The following SPON1 variants were observed in gnomAD, a reference collection of about 807,000 sequenced individuals.
The protein encoded by SPON1 is spondin-1.
A neutral mutation model predicts 111.7 loss-of-function variants in SPON1; 52 were observed. That is an observed-to-expected ratio of 0.47 (90% confidence interval 0.37 to 0.59). The LOEUF is 0.59. Ranked by LOEUF, SPON1 falls within the 20% of genes least tolerant of loss-of-function variation. The probability of loss-of-function intolerance (pLI) is 0.00; values close to 1 mark genes in which losing one functional copy is unlikely to be tolerated. For missense variants in SPON1, 957 were observed against 1,068.5 expected (o/e 0.90, Z 1.46); for synonymous variants, 410 against 395.8 (o/e 1.04, Z -0.43).
chr11:14,181,225 A>C (rs1554933664), intron 6 of SPON1, among the ~76,000 whole-genome samples: 1 of 152,204 alleles, frequency 6.6e-6, no homozygotes, highest in African/African-American at 2.4e-5. Flanking sequence ...TATGGGGAGG[A>C]AAGCTACACC....
intron 5 of SPON1, among the ~76,000 whole-genome samples, chr11:14,101,174 C>T (rs575918673): frequency 2.0e-5 from 3 of 151,812 alleles, no homozygotes; most frequent in Admixed American, 6.6e-5. Context: ...CTGAGGTGGG[C>T]GGATCACCCA....
chr11:14,017,635 A>G (rs1213451252), intron 2 of SPON1, among the ~76,000 whole-genome samples: 1 of 152,188 alleles, frequency 6.6e-6, no homozygotes, highest in Non-Finnish European at 1.5e-5. Context: ...CAACTTGCCT[A>G]AGGCCACCTT....
In SPON1 at chr11:14,266,818, T is replaced by G. The variant is rs1188578079; in HGVS notation, c.*1131T>G. On this transcript the variant is annotated 3_prime_UTR_variant, in exon 16 of 16. Transcript: ENST00000576479. ...CTGAGCAAGCAATTCTGGTGGAAAGTCAAACCTGTCAGTGCTCCACACCAG... is the reference window on the plus strand; with the variant it reads ...CTGAGCAAGCAATTCTGGTGGAAAGGCAAACCTGTCAGTGCTCCACACCAG... The G allele has an allele frequency of 2.0e-5, 3 of 152,056 alleles. No individual in the cohort carries two copies. Among genetic ancestry groups the G allele is most frequent in the Non-Finnish European group, 4.4e-5 (3 of 68,004 alleles). The allele number at this position is 152,056 out of a possible 1,614,324, so 9.4% of individuals were successfully genotyped here. A position where few individuals can be genotyped will look rare whatever the true frequency, so the allele number is the denominator to read the frequency against.
At position 14,255,588 on chromosome 11, in the gene SPON1, C is replaced by T; in HGVS notation, c.1093-59C>T. On this transcript the variant is annotated intron_variant, in intron 8 of 15. Transcript: ENST00000576479. ...TTGCTCTGATCCATATAACAAATGGCTTTTGTGGGTTTTCCCAATTTTATT... is the reference window on the plus strand; with the variant it reads ...TTGCTCTGATCCATATAACAAATGGTTTTTGTGGGTTTTCCCAATTTTATT... The T allele has an allele frequency of 5.8e-6, 9 of 1,562,338 alleles. No homozygotes were observed. In the South Asian group the frequency reaches 6.8e-5, roughly 12 times the overall value.
intron 1 of SPON1, among the ~76,000 whole-genome samples, chr11:13,968,132 A>G (rs1554908236): frequency 2.0e-5 from 3 of 152,176 alleles, no homozygotes; most frequent in South Asian, 4.1e-4. Context: ...TGTTATACAG[A>G]CTGTCACATA....
chr11:14,003,576 A>C lies in SPON1; in HGVS notation c.345+20623A>C, dbSNP rs1166750185. ...TAACCCACATTTGGCTGGGTCACAG[A>C]GTGGTCAAGGCACTCTGTGATTTTC... On this transcript the variant is annotated intron_variant, in intron 2 of 15. Transcript: ENST00000576479. Among the ~76,000 whole-genome samples the C allele has an allele frequency of 3.9e-5, 6 of 152,268 alleles. No homozygotes were observed. The South Asian group carries it at 6.2e-4, about 16-fold the overall frequency.
chr11:14,176,814 G>A (rs1212326332), intron 6 of SPON1, among the ~76,000 whole-genome samples: 11 of 152,086 alleles, frequency 7.2e-5, no homozygotes, highest in South Asian at 4.1e-4. Flanking sequence ...GGGTGCCACC[G>A]AACCACAGGC....
At chr11:14,263,053 TAAAAAAA>T (rs34480564) in intron 15 of SPON1, 78 bp downstream of exon 15, 322 of 952,538 alleles carry the variant, frequency 3.4e-4, no homozygotes, top group Non-Finnish European at 4.1e-4. Context: ...TGGACCTGTT[TAAAAAAA>T]AAAAAAAAAA....
intron 2 of SPON1, among the ~76,000 whole-genome samples, chr11:14,011,820 A>T (rs1428060905): frequency 6.6e-6 from 1 of 152,098 alleles, no homozygotes; most frequent in African/African-American, 2.4e-5. Flanking sequence ...GTGAGAGGGA[A>T]CCCTAAAGAA....
At position 13,977,173 on chromosome 11, in the gene SPON1, A is replaced by G. The variant is rs530489885; in HGVS notation, c.239-5674A>G. Among the ~76,000 whole-genome samples, 89 of 152,194 alleles carry G rather than the reference A, an allele frequency of 5.8e-4. 1 individual carries two copies. The highest frequency in any genetic ancestry group is 1.4e-3 in the Admixed American group (22 of 15,274). The stretch of plus-strand genomic sequence containing the variant: ...TGTTACTACTAATATTCTTATAGGT[A>G]TCTTTGGTGCACATATATATGCATT... On this transcript the variant is annotated intron_variant, in intron 1 of 15. Transcript: ENST00000576479.
chr11:13,966,833 C>T (rs1848021339), intron 1 of SPON1, among the ~76,000 whole-genome samples: 1 of 152,160 alleles, frequency 6.6e-6, no homozygotes, highest in Non-Finnish European at 1.5e-5. Context: ...CCAATTTCTC[C>T]ATCTGTAAAA....
At chr11:14,037,556 C>G (rs1465013411) in intron 2 of SPON1, among the ~76,000 whole-genome samples, 1 of 148,176 alleles carries the variant, frequency 6.7e-6, no homozygotes, top group Non-Finnish European at 1.5e-5. Flanking sequence ...TAGACATAGA[C>G]CTTACACCCC....
intron 6 of SPON1, among the ~76,000 whole-genome samples, chr11:14,141,607 C>T (rs1423976808): frequency 2.6e-5 from 4 of 152,140 alleles, no homozygotes; most frequent in Non-Finnish European, 4.4e-5. Context: ...ATCACACCGC[C>T]TGTGGCATGA....
chr11:14,007,882 C>T (rs1256839829), intron 2 of SPON1, among the ~76,000 whole-genome samples: 1 of 152,150 alleles, frequency 6.6e-6, no homozygotes, highest in East Asian at 1.9e-4. Flanking sequence ...CCTCACGTGG[C>T]CTTCTCCTTG....
chr11:14,210,292 T>A (rs1848561611), intron 6 of SPON1, among the ~76,000 whole-genome samples: 1 of 152,176 alleles, frequency 6.6e-6, no homozygotes, highest in South Asian at 2.1e-4. Context: ...AGTTTTGGCT[T>A]TTGTTGCCAT....
intron 2 of SPON1, among the ~76,000 whole-genome samples, chr11:13,996,004 C>G (rs528671817): frequency 1.3e-5 from 2 of 152,308 alleles, no homozygotes; most frequent in African/African-American, 2.4e-5. Context: ...TTTGAGCTAT[C>G]TCTTAGAGTC....
At chr11:13,993,496 C>T (rs1848247651) in intron 2 of SPON1, among the ~76,000 whole-genome samples, 1 of 152,146 alleles carries the variant, frequency 6.6e-6, no homozygotes, top group Admixed American at 6.5e-5. Context: ...CAGCCAGCTG[C>T]CCAGCTCACT....
chr11:14,056,278 G>C (rs1386415355), intron 3 of SPON1, among the ~76,000 whole-genome samples: 2 of 152,060 alleles, frequency 1.3e-5, no homozygotes, highest in African/African-American at 4.8e-5. Context: ...TCTAAACAAG[G>C]CTATATTATT....
intron 1 of SPON1, among the ~76,000 whole-genome samples, chr11:13,971,277 C>T (rs782806207): frequency 1.3e-5 from 2 of 152,130 alleles, no homozygotes; most frequent in Non-Finnish European, 2.9e-5. Context: ...GAAGCTGAAA[C>T]GCTGCTGCTG....
Sources: gnomAD v4.1 joint callset for allele counts (sites outside exome capture counted in the v4.1 genomes callset) on GRCh38, gnomAD v4.1.1 for gene constraint, MANE v1.5 for transcripts, NCBI Gene and HGNC (gene_info 2026-07-23, HGNC 2026-07-21) for gene names.